Variants in CPA6 observed in about 807,000 individuals in gnomAD.
CPA6 encodes carboxypeptidase A6.
CPA6 carries 58 observed loss-of-function variants against 63.3 expected under a neutral mutation model. The ratio of observed to expected loss-of-function variants is 0.92; its 90% CI spans 0.74 to 1.14. The LOEUF (loss-of-function observed/expected upper bound fraction) is 1.14. CPA6 is among the 50% of genes most tolerant of loss of function. CPA6 has a pLI of 0.00. For synonymous variants in CPA6, 185 were observed against 179.0 expected, an observed-to-expected ratio of 1.03 and a Z score of -0.27; for missense variants, 565 against 526.6, an observed-to-expected ratio of 1.07 and a Z score of -0.71.
intron 8 of CPA6, among the ~76,000 whole-genome samples, chr8:67,466,329 C>T (rs1421122615): frequency 6.6e-6 from 1 of 151,872 alleles, no homozygotes; most frequent in Non-Finnish European, 1.5e-5. Context: ...TCTGATTGTA[C>T]TTATTTGGAT....
At chr8:67,690,651 A>G (rs969487383) in intron 1 of CPA6, among the ~76,000 whole-genome samples, 4 of 152,240 alleles carry the variant, frequency 2.6e-5, no homozygotes, top group African/African-American at 9.6e-5. Context: ...TGTAAGACAC[A>G]TTAGAAGAGG....
chr8:67,723,740 T>C (rs1474051374), intron 1 of CPA6, among the ~76,000 whole-genome samples: 3 of 152,194 alleles, frequency 2.0e-5, no homozygotes, highest in Non-Finnish European at 4.4e-5. Flanking sequence ...TTCTTCCTTA[T>C]ACTGTGTACA....
chr8:67,731,281 T>C lies in CPA6; in HGVS notation c.116+14733A>G, dbSNP rs143867491. On this transcript the variant is annotated intron_variant, in intron 1 of 10. Transcript: ENST00000297770. ...TCACACACAAAAAAAGAGGCCAAGATAGTGGCAAGTCCTTTGGTATGCTAT... is the reference window on the plus strand; with the variant it reads ...TCACACACAAAAAAAGAGGCCAAGACAGTGGCAAGTCCTTTGGTATGCTAT... 1.4e-3 allele frequency among the ~76,000 whole-genome samples: 213 copies of C among 152,350 alleles called. 1 individual carries two copies. Among genetic ancestry groups the C allele is most frequent in the African/African-American group, 5.0e-3 (210 of 41,592 alleles).
intron 1 of CPA6, among the ~76,000 whole-genome samples, chr8:67,730,899 T>C (rs1817693316): frequency 6.6e-6 from 1 of 152,210 alleles, no homozygotes; most frequent in Non-Finnish European, 1.5e-5. Context: ...ATAATAACTA[T>C]AAGTTATACT....
At chr8:67,628,882 CG>C (rs1303830806) in intron 1 of CPA6, among the ~76,000 whole-genome samples, 1 of 152,038 alleles carries the variant, frequency 6.6e-6, no homozygotes, top group Non-Finnish European at 1.5e-5. Flanking sequence ...TTTGGGAGGC[CG>C]AGGCAGGTGG....
At chr8:67,433,904 G>T in intron 9 of CPA6, 134 bp downstream of exon 9, 2 of 652,776 alleles carry the variant, frequency 3.1e-6, no homozygotes, top group South Asian at 2.0e-5. Flanking sequence ...AAGAATAAAT[G>T]AATTAATACA....
intron 2 of CPA6, among the ~76,000 whole-genome samples, chr8:67,572,651 C>T (rs2128976610): frequency 6.6e-6 from 1 of 152,164 alleles, no homozygotes; most frequent in Admixed American, 6.5e-5. Context: ...ACTAAGACAC[C>T]CATTAAAGAA....
At chr8:67,563,362 G>T (rs1268044580) in intron 2 of CPA6, among the ~76,000 whole-genome samples, 2 of 152,142 alleles carry the variant, frequency 1.3e-5, no homozygotes, top group Admixed American at 1.3e-4. Flanking sequence ...GTCATTCACT[G>T]CCTGAGGTTT....
intron 2 of CPA6, among the ~76,000 whole-genome samples, chr8:67,588,379 A>G (rs1229164657): frequency 1.3e-5 from 2 of 152,192 alleles, no homozygotes; most frequent in African/African-American, 4.8e-5. Flanking sequence ...TTGGGGTAAT[A>G]AAAGAGGTGA....
At chr8:67,675,559 C>T (rs1816452850) in intron 1 of CPA6, among the ~76,000 whole-genome samples, 1 of 152,168 alleles carries the variant, frequency 6.6e-6, no homozygotes, top group Non-Finnish European at 1.5e-5. Context: ...GTAGAGAGGC[C>T]CCTATTGCCC....
intron 2 of CPA6, among the ~76,000 whole-genome samples, chr8:67,521,136 C>A (rs1812249964): frequency 6.6e-6 from 1 of 152,248 alleles, no homozygotes; most frequent in Admixed American, 6.5e-5. Context: ...GTTTGCCAAC[C>A]ATTCCAGGTA....
chr8:67,735,997 A>G (rs1026832409), intron 1 of CPA6, among the ~76,000 whole-genome samples: 23 of 152,208 alleles, frequency 1.5e-4, no homozygotes, highest in African/African-American at 5.5e-4. Context: ...TTATGGACTC[A>G]TCATCCATAC....
chr8:67,648,147 G>A (rs1462394605), intron 1 of CPA6, among the ~76,000 whole-genome samples: 3 of 151,676 alleles, frequency 2.0e-5, no homozygotes, highest in Non-Finnish European at 2.9e-5. Context: ...AAATTGAGGA[G>A]TCATCAACAT....
intron 1 of CPA6, among the ~76,000 whole-genome samples, chr8:67,632,276 T>G (rs541830598): frequency 6.6e-6 from 1 of 151,890 alleles, no homozygotes; most frequent in African/African-American, 2.4e-5. Context: ...GCTCAAGTGA[T>G]CCTCCTACCT....
intron 1 of CPA6, among the ~76,000 whole-genome samples, chr8:67,708,506 A>T (rs1194853253): frequency 6.6e-6 from 1 of 152,176 alleles, no homozygotes; most frequent in African/African-American, 2.4e-5. Context: ...AACAAGAGGG[A>T]TGGGCCATCA....
rs1052843912 is a variant in CPA6 at position 67,706,931 on chromosome 8, C to T, written c.116+39083G>A. ...ATAAATGTGTTATTGGTATGTGTTC[C>T]AAATTTATGCAAAATTCTTATAATT... On this transcript the variant is annotated intron_variant, in intron 1 of 10. Coordinates refer to ENST00000297770, the MANE Select transcript of CPA6 (RefSeq NM_020361.5). Among the ~76,000 whole-genome samples the T allele has an allele frequency of 7.9e-5, 12 of 152,014 alleles. No homozygotes were observed. The East Asian group carries it at 2.1e-3, about 27-fold the overall frequency.
In CPA6 at chr8:67,461,353, C is replaced by T. The variant is rs369514669; in HGVS notation, c.838+22415G>A. 1.3e-3 allele frequency among the ~76,000 whole-genome samples: 190 copies of T among 146,910 alleles called. 1 individual carries two copies. Among genetic ancestry groups the T allele is most frequent in the Non-Finnish European group, 2.1e-3 (140 of 66,974 alleles). ...TTTAACCCTGAGTGGATACAGCACA[C>T]GTTTCAGAGAGCACAGGGTTGGGGG... On this transcript the variant is annotated intron_variant, in intron 8 of 10. Coordinates refer to ENST00000297770, the MANE Select transcript of CPA6 (RefSeq NM_020361.5).
At chr8:67,474,563 TAGAA>T (rs1811132428) in intron 8 of CPA6, among the ~76,000 whole-genome samples, 2 of 152,214 alleles carry the variant, frequency 1.3e-5, no homozygotes, top group East Asian at 1.9e-4. Flanking sequence ...GGAAGGCACT[TAGAA>T]AGAGTTTGGA....
At chr8:67,727,104 A>G (rs1473928707) in intron 1 of CPA6, among the ~76,000 whole-genome samples, 1 of 152,174 alleles carries the variant, frequency 6.6e-6, no homozygotes, top group Non-Finnish European at 1.5e-5. Flanking sequence ...AAAGCTGTTC[A>G]TGCTTCATGC....
Sources: gnomAD v4.1 joint callset for allele counts (sites outside exome capture counted in the v4.1 genomes callset) on GRCh38, gnomAD v4.1.1 for gene constraint, MANE v1.5 for transcripts, NCBI Gene and HGNC (gene_info 2026-07-23, HGNC 2026-07-21) for gene names.